The following RIMS2 variants were observed in gnomAD, a reference collection of about 807,000 sequenced individuals.
RIMS2 encodes regulating synaptic membrane exocytosis 2.
Under a neutral mutation model 174.4 loss-of-function variants are expected in RIMS2, and 59 were observed. The observed-to-expected ratio is 0.34, with a 90% CI of 0.27 to 0.42. The LOEUF (loss-of-function observed/expected upper bound fraction) is 0.42. RIMS2 is among the 10% of genes least tolerant of loss of function. The probability of loss-of-function intolerance (pLI) is 1.00; values close to 1 mark genes in which losing one functional copy is unlikely to be tolerated. For missense variants in RIMS2, 1,620 were observed against 1,666.3 expected (o/e 0.97, Z 0.48); for synonymous variants, 606 against 572.5 (o/e 1.06, Z -0.84).
At chr8:103,867,397 C>A (rs921031164) in intron 3 of RIMS2, among the ~76,000 whole-genome samples, 13 of 151,548 alleles carry the variant, frequency 8.6e-5, no homozygotes, top group Admixed American at 4.6e-4. Context: ...TTTGAAAAAT[C>A]TATTCTGAAA....
In RIMS2 at chr8:104,075,094, TTA is replaced by T. The variant is rs528790920; in HGVS notation, c.3334+60480_3334+60481del. 2.8e-3 allele frequency among the ~76,000 whole-genome samples: 426 copies of T among 152,262 alleles called. 2 individuals are homozygous for T. The highest frequency in any genetic ancestry group is 6.5e-3 in the Admixed American group (100 of 15,296). On this transcript the variant is annotated intron_variant, in intron 19 of 23. Transcript: ENST00000504942. ...CTTAGGGAGAAAAATTGAGCTGCTGTTAGTATGTAACTCAGCCCAGTAACATG... is the reference window on the plus strand; with the variant it reads ...CTTAGGGAGAAAAATTGAGCTGCTGTGTATGTAACTCAGCCCAGTAACATG...
At chr8:104,011,138 A>G (rs1173967656) in intron 17 of RIMS2, among the ~76,000 whole-genome samples, 1 of 152,158 alleles carries the variant, frequency 6.6e-6, no homozygotes, top group Non-Finnish European at 1.5e-5. Context: ...TTAAATTTTC[A>G]TAGCAGTAAC....
chr8:103,635,483 A>T (rs1257745874), intron 1 of RIMS2, among the ~76,000 whole-genome samples: 1 of 152,170 alleles, frequency 6.6e-6, no homozygotes, highest in Non-Finnish European at 1.5e-5. Flanking sequence ...CTGCTTCAGT[A>T]TGCTTGGTGC....
chr8:104,144,407 C>G (rs1295341325), intron 19 of RIMS2, among the ~76,000 whole-genome samples: 1 of 152,114 alleles, frequency 6.6e-6, no homozygotes, highest in Non-Finnish European at 1.5e-5. Flanking sequence ...AGCTAGAAAT[C>G]CATACTGTAC....
chr8:103,961,273 C>A, intron 15 of RIMS2, 140 bp downstream of exon 17: 1 of 582,262 alleles, frequency 1.7e-6, no homozygotes, highest in Non-Finnish European at 3.0e-6. Context: ...CCTATGACAA[C>A]TTAAACCCCT....
intron 21 of RIMS2, 117 bp downstream of exon 27, chr8:104,248,930 TC>T: frequency 7.7e-6 from 4 of 517,538 alleles, no homozygotes; most frequent in Middle Eastern, 4.9e-4. Flanking sequence ...TCTCTCTCCC[TC>T]TATTTTTTTT....
chr8:104,180,810 A>C lies in RIMS2; in HGVS notation c.3335-64106A>C, dbSNP rs115979955. Among the ~76,000 whole-genome samples the C allele has an allele frequency of 7.8e-3, 1,181 of 151,864 alleles. 10 individuals are homozygous for C. The highest frequency in any genetic ancestry group is 0.019 in the Admixed American group (284 of 15,220). Reference sequence around the variant, plus strand: ...AAGAAGTAAATTTTTTAAATGTATTAATAAAGTAACTAGGACAAGGGCAAA... The same window carrying C: ...AAGAAGTAAATTTTTTAAATGTATTCATAAAGTAACTAGGACAAGGGCAAA... On this transcript the variant is annotated intron_variant, in intron 19 of 23. Transcript: ENST00000504942.
At chr8:104,060,231 A>C (rs1175826796) in intron 19 of RIMS2, among the ~76,000 whole-genome samples, 20 of 151,282 alleles carry the variant, frequency 1.3e-4, no homozygotes, top group Admixed American at 1.3e-3. Flanking sequence ...GCTATTGATT[A>C]TTGCCACAAT....
At chr8:103,660,687 C>T (rs1306906701) in intron 1 of RIMS2, among the ~76,000 whole-genome samples, 1 of 152,196 alleles carries the variant, frequency 6.6e-6, no homozygotes, top group Non-Finnish European at 1.5e-5. Context: ...CCAGGTCTAA[C>T]ATAGATAATC....
chr8:103,940,831 G>A (rs143317469), intron 13 of RIMS2, among the ~76,000 whole-genome samples: 28,699 of 149,732 alleles, frequency 0.19, 3,167 homozygotes, highest in Non-Finnish European at 0.24. Context: ...AGCCAGGATC[G>A]TGCCACTGCA....
intron 1 of RIMS2, among the ~76,000 whole-genome samples, chr8:103,587,073 A>C (rs945530842): frequency 8.5e-5 from 13 of 152,052 alleles, no homozygotes; most frequent in Non-Finnish European, 1.6e-4. Flanking sequence ...TATCTGAGCA[A>C]CTAACTATAT....
intron 19 of RIMS2, chr8:104,148,831 C>T (rs1464985286): frequency 1.3e-6 from 2 of 1,597,852 alleles, no homozygotes; most frequent in Non-Finnish European, 1.7e-6. Flanking sequence ...CGCAGTGCTT[C>T]TCAGCTCAGC....
intron 1 of RIMS2, among the ~76,000 whole-genome samples, chr8:103,594,402 A>G (rs2094402346): frequency 6.6e-6 from 1 of 151,662 alleles, no homozygotes; most frequent in Non-Finnish European, 1.5e-5. Flanking sequence ...GCTAATGGCT[A>G]TGAGTTCCTT....
In RIMS2 at chr8:103,911,989, C is replaced by T. The variant is rs918025704; in HGVS notation, c.1693-64C>T. On this transcript the variant is annotated intron_variant, in intron 5 of 23. Transcript: ENST00000504942. Reference sequence around the variant, plus strand: ...CAATCAGAGATCATTTGTCATAAAACGATAAATAAAATCATTTATTTATTT... The same window carrying T: ...CAATCAGAGATCATTTGTCATAAAATGATAAATAAAATCATTTATTTATTT... 16 of 1,263,970 alleles carry T rather than the reference C, an allele frequency of 1.3e-5. No individual in the cohort carries two copies. In the South Asian group the frequency reaches 2.1e-4, roughly 17 times the overall value. 78.3% of individuals were successfully genotyped at this position (1,263,970 alleles called of 1,614,324 possible).
In RIMS2 at chr8:103,879,750, T is replaced by G. The variant is rs1390846; in HGVS notation, c.699-5548T>G. On this transcript the variant is annotated intron_variant, in intron 3 of 23. Coordinates refer to ENST00000504942, the Ensembl canonical transcript of RIMS2. Reference sequence around the variant, plus strand: ...AAAACAGCACAGCACTTTTTAATCTTTTTCTACTCGTCTAACACTGGCCTT... The same window carrying G: ...AAAACAGCACAGCACTTTTTAATCTGTTTCTACTCGTCTAACACTGGCCTT... Among the ~76,000 whole-genome samples, 542 of 151,740 alleles carry G rather than the reference T, an allele frequency of 3.6e-3. 8 individuals carry two copies. Among genetic ancestry groups the G allele is most frequent in the Admixed American group, 0.014 (209 of 15,170 alleles).
intron 1 of RIMS2, among the ~76,000 whole-genome samples, chr8:103,679,807 T>C (rs1243244959): frequency 1.3e-5 from 2 of 152,026 alleles, no homozygotes; most frequent in Non-Finnish European, 2.9e-5. Flanking sequence ...ATAAAAGTTT[T>C]AAACTAGTTT....
At chr8:104,214,981 C>T (rs1392631229) in intron 19 of RIMS2, among the ~76,000 whole-genome samples, 1 of 151,912 alleles carries the variant, frequency 6.6e-6, no homozygotes, top group Non-Finnish European at 1.5e-5. Flanking sequence ...TATTTAAAAT[C>T]TTGCAATTTG....
intron 1 of RIMS2, among the ~76,000 whole-genome samples, chr8:103,590,308 C>G (rs1241636979): frequency 6.6e-6 from 1 of 151,322 alleles, no homozygotes; most frequent in Non-Finnish European, 1.5e-5. Flanking sequence ...TTCAGTAAAG[C>G]TTCAGGATAC....
chr8:104,249,345 T>A (rs1302966646), intron 21 of RIMS2, 142 bp from the exon 28 acceptor site: 1 of 541,674 alleles, frequency 1.8e-6, no homozygotes, highest in Non-Finnish European at 3.3e-6. Flanking sequence ...AAGGAAGATA[T>A]TATTGATAGA....
Sources: allele counts gnomAD v4.1 joint callset (sites outside exome capture counted in the v4.1 genomes callset), GRCh38; gene constraint gnomAD v4.1.1; transcripts MANE v1.5; gene names NCBI Gene and HGNC (gene_info 2026-07-23, HGNC 2026-07-21).